The following PCDHA1 variants were observed in gnomAD, a reference collection of about 807,000 sequenced individuals.
The protein encoded by PCDHA1 is protocadherin alpha-1.
PCDHA1 carries 42 observed loss-of-function variants against 61.3 expected under a neutral mutation model. The ratio of observed to expected loss-of-function variants is 0.69; its 90% CI spans 0.54 to 0.89. PCDHA1 has a LOEUF of 0.89. PCDHA1 is among the 40% of genes least tolerant of loss of function. The pLI, the probability that PCDHA1 is intolerant of heterozygous loss-of-function variation, is 0.00. For missense variants in PCDHA1, 1,256 were observed against 1,235.3 expected (o/e 1.02, Z -0.25); for synonymous variants, 610 against 553.8 (o/e 1.10, Z -1.43).
At position 140,856,900 on chromosome 5, in the gene PCDHA1, C is replaced by T. The variant is rs782598308; in HGVS notation, c.2394+68216C>T. On this transcript the variant is annotated intron_variant, in intron 1 of 3. Coordinates refer to ENST00000504120, the MANE Select transcript of PCDHA1 (RefSeq NM_018900.4). ...TGATGTATTCATTTAGCTCTTTGGT[C>T]CCACCCACGATAAGAAGGAAATTTT... The T allele has an allele frequency of 1.0e-5, 16 of 1,596,132 alleles. No homozygotes were observed. In the East Asian group the frequency reaches 2.7e-4, roughly 27 times the overall value.
chr5:140,824,609 A>AGTT (rs1768189003), intron 1 of PCDHA1: 2 of 76,910 alleles, frequency 2.6e-5, no homozygotes, highest in African/African-American at 1.4e-4. Context: ...TGCTAATTAA[A>AGTT]GTTTTTTTTT....
At chr5:140,977,703 A>G (rs1407162368) in intron 1 of PCDHA1, among the ~76,000 whole-genome samples, 1 of 152,192 alleles carries the variant, frequency 6.6e-6, no homozygotes, top group Non-Finnish European at 1.5e-5. Context: ...ATCTGTCTGA[A>G]TATTGAGATG....
chr5:140,983,101 C>T (rs1047738074), intron 3 of PCDHA1, among the ~76,000 whole-genome samples: 2 of 152,228 alleles, frequency 1.3e-5, no homozygotes, highest in African/African-American at 4.8e-5. Flanking sequence ...ATCTGCTTCT[C>T]TCTGCACATC....
chr5:140,961,336 G>C (rs2095605046), intron 1 of PCDHA1, among the ~76,000 whole-genome samples: 1 of 152,178 alleles, frequency 6.6e-6, no homozygotes, highest in African/African-American at 2.4e-5. Context: ...GAGAGACCAA[G>C]AGTGGATCCC....
intron 1 of PCDHA1, chr5:140,807,895 T>C (rs141163311): frequency 3.7e-6 from 6 of 1,613,994 alleles, no homozygotes; most frequent in Non-Finnish European, 5.1e-6. Context: ...TGGATGCCAA[T>C]GACAATGCCC....
At chr5:140,836,782 A>G in intron 1 of PCDHA1, 2 of 1,475,536 alleles carry the variant, frequency 1.4e-6, no homozygotes, top group South Asian at 1.3e-5. Flanking sequence ...TAAAACAATT[A>G]GTTCAATTGG....
rs1274541359 is a variant in PCDHA1 at position 140,852,032 on chromosome 5, G to C, written c.2394+63348G>C. 7.5e-6 allele frequency: 7 copies of C among 936,644 alleles called. No homozygotes were observed. The African/African-American group carries it at 1.1e-4, about 14-fold the overall frequency. 58.0% of individuals were successfully genotyped at this position (936,644 alleles called of 1,614,324 possible). On this transcript the variant is annotated intron_variant, in intron 1 of 3. Transcript: ENST00000504120. ...TATAGTTTTAAAAACTTCGCTTATT[G>C]AGTTTTTGTTATGTGGTTTATATTT... is the stretch of plus-strand genomic sequence containing the variant.
intron 1 of PCDHA1, chr5:140,836,239 G>T: frequency 1.9e-6 from 3 of 1,613,796 alleles, no homozygotes; most frequent in Non-Finnish European, 1.7e-6. Flanking sequence ...GCCGGTGCGA[G>T]CATCCCGTTC....
chr5:140,812,504 C>T (rs2126639507), intron 1 of PCDHA1: 5 of 152,056 alleles, frequency 3.3e-5, no homozygotes, highest in Admixed American at 2.0e-4. Context: ...GTATTTCCTC[C>T]CTTTGCTTTG....
rs1241604273 is a variant in PCDHA1, at chr5:140,841,714, A to G, written c.2394+53030A>G. ...TGAAGGATGTTAATGACAACCCGCC[A>G]GTGTTCCGGGTAAAAGACCAAAAGC... On this transcript the variant is annotated intron_variant, in intron 1 of 3. Coordinates refer to ENST00000504120, the MANE Select transcript of PCDHA1 (RefSeq NM_018900.4). The G allele has an allele frequency of 2.5e-6, 4 of 1,613,762 alleles. No individual in the cohort carries two copies. In the African/African-American group the frequency reaches 4.0e-5, roughly 16 times the overall value.
In PCDHA1 at chr5:140,968,959, C is replaced by T. The variant is rs782079520; in HGVS notation, c.2395-9990C>T. ...TCATCATTTTGAGCATCATCAAGTG[C>T]TACCGCTACACTGCGTATGGCACTG... On this transcript the variant is annotated intron_variant, in intron 1 of 3. Transcript: ENST00000504120. The T allele has an allele frequency of 1.5e-5, 25 of 1,614,182 alleles. 1 individual carries two copies. In the Middle Eastern group the frequency reaches 1.8e-3, roughly 117 times the overall value.
intron 1 of PCDHA1, among the ~76,000 whole-genome samples, chr5:140,932,168 A>G (rs1279324749): frequency 1.3e-5 from 2 of 151,944 alleles, no homozygotes; most frequent in African/African-American, 4.8e-5. Flanking sequence ...ACAATTAGAC[A>G]ATGTGTACCT....
intron 1 of PCDHA1, chr5:140,796,825 C>T (rs782395206): frequency 6.2e-7 from 1 of 1,614,114 alleles, no homozygotes; most frequent in South Asian, 1.1e-5. Context: ...CGCTCGCATC[C>T]CGTTCCGCGT....
At chr5:140,840,223 T>A (rs1776612782) in intron 1 of PCDHA1, among the ~76,000 whole-genome samples, 1 of 151,924 alleles carries the variant, frequency 6.6e-6, no homozygotes, top group African/African-American at 2.4e-5. Flanking sequence ...TACATATGAG[T>A]AAATGTGGAG....
At chr5:140,829,509 A>G in intron 1 of PCDHA1, 1 of 1,613,556 alleles carries the variant, frequency 6.2e-7, no homozygotes, top group Non-Finnish European at 8.5e-7. Flanking sequence ...CCGGGCTGCC[A>G]CATCTTCACG....
At chr5:140,841,762 G>A in intron 1 of PCDHA1, 1 of 1,613,914 alleles carries the variant, frequency 6.2e-7, no homozygotes, top group Non-Finnish European at 8.5e-7. Context: ...AATCCAGAAT[G>A]CCAGACTCTC....
At chr5:140,920,632 T>G (rs1054888668) in intron 1 of PCDHA1, among the ~76,000 whole-genome samples, 1 of 152,018 alleles carries the variant, frequency 6.6e-6, no homozygotes, top group South Asian at 2.1e-4. Context: ...GATCACAAGG[T>G]CAAGAGATTG....
chr5:140,926,791 G>A, intron 1 of PCDHA1: 6 of 1,439,200 alleles, frequency 4.2e-6, no homozygotes, highest in East Asian at 2.5e-5. Context: ...GCCGGCAGGA[G>A]CGTGCTCTTC....
At chr5:140,844,441 GTTGTA>G (rs1554140652) in intron 1 of PCDHA1, among the ~76,000 whole-genome samples, 1 of 149,004 alleles carries the variant, frequency 6.7e-6, no homozygotes, top group East Asian at 1.9e-4. Flanking sequence ...GATTTTTACA[GTTGTA>G]TTGTCGCCAA....
Sources: gnomAD v4.1 joint callset for allele counts (sites outside exome capture counted in the v4.1 genomes callset) on GRCh38, gnomAD v4.1.1 for gene constraint, MANE v1.5 for transcripts, NCBI Gene and HGNC (gene_info 2026-07-23, HGNC 2026-07-21) for gene names.